Variants in RBFOX1 observed in about 807,000 individuals in gnomAD.
RBFOX1 encodes the protein RNA binding protein fox-1 homolog 1.
RBFOX1 carries 8 observed loss-of-function variants against 57.7 expected under a neutral mutation model. The observed-to-expected ratio is 0.14, with a 90% CI of 0.08 to 0.25. The LOEUF (loss-of-function observed/expected upper bound fraction) is 0.25. Among genes scored for constraint, RBFOX1 ranks in the 10% least tolerant of loss-of-function variants. The pLI, the probability that RBFOX1 is intolerant of heterozygous loss-of-function variation, is 1.00. For synonymous variants in RBFOX1, 326 were observed against 222.4 expected, an observed-to-expected ratio of 1.47 and a Z score of -4.15; for missense variants, 611 against 548.5, an observed-to-expected ratio of 1.11 and a Z score of -1.14.
chr16:6,797,149 G>A (rs1217938931), intron 3 of RBFOX1, among the ~76,000 whole-genome samples: 3 of 152,110 alleles, frequency 2.0e-5, no homozygotes, highest in African/African-American at 7.2e-5. Context: ...CTGCAGATAG[G>A]CAGCAGCAGC....
chr16:5,827,821 C>G (rs952083565), intron 3 of RBFOX1, among the ~76,000 whole-genome samples: 1 of 152,058 alleles, frequency 6.6e-6, no homozygotes, highest in Non-Finnish European at 1.5e-5. Context: ...ATCCACTCAC[C>G]CATCCACCTG....
At chr16:7,067,686 T>G (rs1185507429) in intron 4 of RBFOX1, among the ~76,000 whole-genome samples, 1 of 85,564 alleles carries the variant, frequency 1.2e-5, no homozygotes, top group Admixed American at 1.5e-4. Context: ...CCCTCCCCCG[T>G]CCCCCCACCC....
chr16:6,795,963 G>A (rs543788643), intron 3 of RBFOX1, among the ~76,000 whole-genome samples: 2 of 152,122 alleles, frequency 1.3e-5, no homozygotes, highest in East Asian at 1.9e-4. Context: ...ATAAGGGAAT[G>A]TTATTTTCTA....
At chr16:7,257,430 G>C (rs757047000) in intron 4 of RBFOX1, among the ~76,000 whole-genome samples, 4 of 152,068 alleles carry the variant, frequency 2.6e-5, no homozygotes, top group Non-Finnish European at 4.4e-5. Flanking sequence ...AAAATGTACT[G>C]ATTGCAAACT....
rs112281657 is a variant in RBFOX1 at position 7,447,167 on chromosome 16, C to T, written c.28-70980C>T. 9.4e-3 allele frequency among the ~76,000 whole-genome samples: 1,424 copies of T among 151,900 alleles called. 10 individuals are homozygous for T. Among genetic ancestry groups the T allele is most frequent in the Non-Finnish European group, 0.014 (978 of 67,978 alleles). ...ACACTTACAGAATTTGGGAGCCCTC[C>T]GTAAGAAAAACATTCACACTTTGGG... is the stretch of plus-strand genomic sequence containing the variant. On this transcript the variant is annotated intron_variant, in intron 4 of 15. Coordinates refer to ENST00000550418, the MANE Select transcript of RBFOX1 (RefSeq NM_018723.4).
At chr16:7,446,439 C>G (rs1391513156) in intron 4 of RBFOX1, among the ~76,000 whole-genome samples, 1 of 152,190 alleles carries the variant, frequency 6.6e-6, no homozygotes. Context: ...TCAGCAAGTT[C>G]TCCCTCACTG....
intron 5 of RBFOX1, among the ~76,000 whole-genome samples, chr16:7,576,578 A>C (rs989488960): frequency 6.6e-6 from 1 of 152,236 alleles, no homozygotes; most frequent in Non-Finnish European, 1.5e-5. Context: ...ATAAGCATAC[A>C]CTACAAAATG....
At chr16:7,349,601 T>A (rs144630267) in intron 4 of RBFOX1, among the ~76,000 whole-genome samples, 5 of 152,082 alleles carry the variant, frequency 3.3e-5, no homozygotes, top group African/African-American at 4.8e-5. Flanking sequence ...ACCCTCAGAA[T>A]CAAAATGAGG....
intron 1 of RBFOX1, among the ~76,000 whole-genome samples, chr16:5,244,439 G>C (rs1304442271): frequency 6.6e-6 from 1 of 152,224 alleles, no homozygotes; most frequent in Non-Finnish European, 1.5e-5. Context: ...GATGTGGGCA[G>C]GCAGGGTAGG....
intron 2 of RBFOX1, among the ~76,000 whole-genome samples, chr16:6,646,012 C>T (rs924016975): frequency 8.5e-5 from 13 of 152,080 alleles, no homozygotes; most frequent in African/African-American, 3.1e-4. Flanking sequence ...TTCAGGGTTT[C>T]CCGGCTACAA....
chr16:6,212,977 G>A (rs2097308550), intron 1 of RBFOX1, among the ~76,000 whole-genome samples: 1 of 152,118 alleles, frequency 6.6e-6, no homozygotes, highest in Non-Finnish European at 1.5e-5. Flanking sequence ...CCCTTAATAA[G>A]TGAAGTATGT....
intron 4 of RBFOX1, among the ~76,000 whole-genome samples, chr16:7,392,284 G>C (rs1443235952): frequency 6.6e-6 from 1 of 152,082 alleles, no homozygotes; most frequent in Non-Finnish European, 1.5e-5. Context: ...TAGTCCCCTT[G>C]TATAGCACCT....
At chr16:7,066,076 C>T (rs74577656) in intron 4 of RBFOX1, among the ~76,000 whole-genome samples, 4,299 of 152,270 alleles carry the variant, frequency 0.028, 212 homozygotes, top group African/African-American at 0.098. Context: ...TAAGTCACTT[C>T]AGAGTGTTTT....
At chr16:7,549,508 A>G (rs111523378) in intron 5 of RBFOX1, among the ~76,000 whole-genome samples, 1 of 152,148 alleles carries the variant, frequency 6.6e-6, no homozygotes, top group Non-Finnish European at 1.5e-5. Context: ...CGTGATTACA[A>G]TAGGTCGTCT....
chr16:5,403,262 A>G (rs1447545016), intron 1 of RBFOX1, among the ~76,000 whole-genome samples: 3 of 150,578 alleles, frequency 2.0e-5, no homozygotes, highest in Non-Finnish European at 4.4e-5. Flanking sequence ...AGGCAGGAGA[A>G]TCGCTTGAGC....
At chr16:6,976,629 G>T (rs998323080) in intron 3 of RBFOX1, among the ~76,000 whole-genome samples, 2 of 150,722 alleles carry the variant, frequency 1.3e-5, no homozygotes, top group African/African-American at 2.4e-5. Flanking sequence ...GAGGAAGAAC[G>T]CATCCACCCT....
intron 1 of RBFOX1, among the ~76,000 whole-genome samples, chr16:5,278,968 A>T (rs2063206597): frequency 1.3e-5 from 2 of 152,168 alleles, no homozygotes; most frequent in African/African-American, 4.8e-5. Context: ...TAATACCAAT[A>T]CACACTGTTT....
chr16:5,507,959 G>A (rs1285079374), intron 2 of RBFOX1, among the ~76,000 whole-genome samples: 1 of 152,146 alleles, frequency 6.6e-6, no homozygotes, highest in Non-Finnish European at 1.5e-5. Context: ...CTGGTTTGGG[G>A]TGATTTGTTA....
At chr16:7,696,366 A>C (rs1283962007) in intron 14 of RBFOX1, among the ~76,000 whole-genome samples, 1 of 152,132 alleles carries the variant, frequency 6.6e-6, no homozygotes, top group African/African-American at 2.4e-5. Context: ...GATGAGTTGG[A>C]TTCTTCAATA....
Sources: gnomAD v4.1 joint callset for allele counts (sites outside exome capture counted in the v4.1 genomes callset) on GRCh38, gnomAD v4.1.1 for gene constraint, MANE v1.5 for transcripts, NCBI Gene and HGNC (gene_info 2026-07-23, HGNC 2026-07-21) for gene names.